Variants in PRELID2 observed in about 807,000 individuals in gnomAD.
PRELID2 encodes PRELI domain containing 2, also known as PRELI domain-containing protein 2.
In PRELID2, 25 loss-of-function variants were observed where a neutral mutation model predicts 28.4. That is an observed-to-expected ratio of 0.88 (90% CI 0.64 to 1.23). The LOEUF is 1.23. Ranked by LOEUF, PRELID2 falls within the 50% of genes most tolerant of loss-of-function variation. PRELID2 has a pLI of 0.00. For missense variants in PRELID2, 201 were observed against 214.4 expected (o/e 0.94, Z 0.39); for synonymous variants, 76 against 71.6 (o/e 1.06, Z -0.31).
At chr5:145,522,863 G>A (rs1752575551) in intron 1 of PRELID2, among the ~76,000 whole-genome samples, 1 of 151,554 alleles carries the variant, frequency 6.6e-6, no homozygotes, top group Non-Finnish European at 1.5e-5. Context: ...AGAAGAAGGA[G>A]AAGAAAAACA....
At chr5:145,327,970 T>C in the PRELID2 span, among the ~76,000 whole-genome samples, 1 of 151,974 alleles carries the variant, frequency 6.6e-6, no homozygotes, top group Admixed American at 6.6e-5. Flanking sequence ...GTATGTGATG[T>C]TCCCCTCCCG....
chr5:145,338,665 C>A, the PRELID2 span, among the ~76,000 whole-genome samples: 1 of 152,166 alleles, frequency 6.6e-6, no homozygotes, highest in Non-Finnish European at 1.5e-5. Context: ...CAGTTGCTAC[C>A]ACTTTTTGAG....
chr5:145,684,497 G>A (rs1179089494), intron 1 of PRELID2, among the ~76,000 whole-genome samples: 3 of 152,202 alleles, frequency 2.0e-5, no homozygotes, highest in Admixed American at 6.5e-5. Context: ...CCTCTCTTTG[G>A]TTAGCTTTCA....
At position 145,481,525 on chromosome 5, in the gene PRELID2, T is replaced by C. The variant is rs527514785; in HGVS notation, n.71-8210A>G. Reference sequence around the variant, plus strand: ...ATTCTAATAATGGTACTCTAGAGAATTGGATCTTCTGGTCCAAATTAGCTG... The same window carrying C: ...ATTCTAATAATGGTACTCTAGAGAACTGGATCTTCTGGTCCAAATTAGCTG... On this transcript the variant is annotated intron_variant and non_coding_transcript_variant, in intron 1 of 2. Transcript: ENST00000510259. Among the ~76,000 whole-genome samples the C allele has an allele frequency of 2.2e-3, 323 of 149,334 alleles. 1 individual carries two copies. The highest frequency in any genetic ancestry group is 7.5e-3 in the African/African-American group (305 of 40,486).
chr5:145,260,155 A>C, the PRELID2 span, among the ~76,000 whole-genome samples: 2 of 152,096 alleles, frequency 1.3e-5, no homozygotes. Flanking sequence ...GTTTCCTGAC[A>C]CCTTTCCAGA....
chr5:145,534,134 A>T (rs1286483218), intron 1 of PRELID2, among the ~76,000 whole-genome samples: 1 of 152,100 alleles, frequency 6.6e-6, no homozygotes, highest in Non-Finnish European at 1.5e-5. Flanking sequence ...TATAGTTAGA[A>T]AACAAGTGGT....
chr5:145,740,575 T>G, intron 1 of PRELID2, among the ~76,000 whole-genome samples: 1 of 17,066 alleles, frequency 5.9e-5, no homozygotes, highest in Non-Finnish European at 1.0e-4. Context: ...CCATGAAATA[T>G]ATATATTATA....
At chr5:145,254,130 C>T in the PRELID2 span, among the ~76,000 whole-genome samples, 1 of 152,044 alleles carries the variant, frequency 6.6e-6, no homozygotes, top group African/African-American at 2.4e-5. Context: ...TGAATGACCA[C>T]AAAATTTCAG....
At chr5:145,643,575 A>T (rs1754146531) in intron 1 of PRELID2, among the ~76,000 whole-genome samples, 1 of 152,228 alleles carries the variant, frequency 6.6e-6, no homozygotes, top group Non-Finnish European at 1.5e-5. Context: ...GAGAGAGGGC[A>T]TTCTTGCCTT....
intron 1 of PRELID2, among the ~76,000 whole-genome samples, chr5:145,705,063 A>G (rs1755508341): frequency 6.6e-6 from 1 of 152,180 alleles, no homozygotes. Flanking sequence ...CTTGCAAGCT[A>G]AGAGTATTTA....
chr5:145,775,187 C>A lies in PRELID2; in HGVS notation c.475-10187G>T, dbSNP rs1426991559. Among the ~76,000 whole-genome samples, 2 of 151,992 alleles carry A rather than the reference C, an allele frequency of 1.3e-5. 1 individual carries two copies. The highest frequency in any genetic ancestry group is 2.9e-5 in the Non-Finnish European group (2 of 68,022). ...CCTGGGAGGTGGAGGTTGCAGTGAG[C>A]CGAAATCAAGCCACTGCACTCCAGC... On this transcript the variant is annotated intron_variant, in intron 5 of 6. Coordinates refer to ENST00000683046, the MANE Select transcript of PRELID2 (RefSeq NM_205846.3).
At chr5:145,653,524 A>G (rs10463269) in intron 1 of PRELID2, among the ~76,000 whole-genome samples, 104,919 of 152,062 alleles carry the variant, frequency 0.69, 40,863 homozygotes, top group Non-Finnish European at 0.89. Context: ...GCAAATGTAA[A>G]AGAAGAGAAA....
intron 2 of PRELID2, among the ~76,000 whole-genome samples, chr5:145,822,709 A>G (rs1754914404): frequency 6.6e-6 from 1 of 152,208 alleles, no homozygotes; most frequent in African/African-American, 2.4e-5. Flanking sequence ...GTAGTCTAAC[A>G]CCTATTCCAA....
At chr5:145,789,036 C>T (rs1285812571) in intron 5 of PRELID2, among the ~76,000 whole-genome samples, 2 of 152,086 alleles carry the variant, frequency 1.3e-5, no homozygotes, top group Non-Finnish European at 2.9e-5. Flanking sequence ...ATGATCATAG[C>T]TTGAAAGAAT....
Position 145,818,715 on chromosome 5 carries a change from A to G in PRELID2, c.208-661T>C, listed in dbSNP as rs78740633. 7.9e-5 allele frequency among the ~76,000 whole-genome samples: 12 copies of G among 152,348 alleles called. No homozygotes were observed. The East Asian group carries it at 2.3e-3, about 29-fold the overall frequency. On this transcript the variant is annotated intron_variant, in intron 3 of 6. Coordinates refer to ENST00000683046, the MANE Select transcript of PRELID2 (RefSeq NM_205846.3). ...TAAAAGAAAGTTCATTTTCATTGTC[A>G]TATCAGCTTTATTACACTGAAGAAT... is the stretch of plus-strand genomic sequence containing the variant.
the PRELID2 span, chr5:145,229,146 A>C: frequency 9.3e-7 from 1 of 1,069,934 alleles, no homozygotes; most frequent in Non-Finnish European, 1.4e-6. Context: ...GGTGGGGGCC[A>C]AGTGTGTGTC....
the PRELID2 span, among the ~76,000 whole-genome samples, chr5:145,340,480 C>T: frequency 6.6e-6 from 1 of 152,216 alleles, no homozygotes; most frequent in East Asian, 1.9e-4. Flanking sequence ...AGGAATCAGG[C>T]TTTCAGGCTG....
At chr5:145,826,133 G>T (rs73306047) in intron 1 of PRELID2, 1 of 985,090 alleles carries the variant, frequency 1.0e-6, no homozygotes, top group African/African-American at 1.8e-5. Context: ...CTGTGTTCAC[G>T]CAGGGTGCTA....
rs1201061073 is a variant in PRELID2, at chr5:145,756,601, C to T, written c.*3935G>A. Among the ~76,000 whole-genome samples the T allele has an allele frequency of 5.3e-5, 8 of 152,048 alleles. No individual in the cohort carries two copies. The highest frequency in any genetic ancestry group is 7.4e-5 in the Non-Finnish European group (5 of 68,010). ...TTATTTCTAGCAATATCTCACTTGC[C>T]GCGAGTTCACAAATATGACAACTGC... On this transcript the variant is annotated 3_prime_UTR_variant, in exon 7 of 7. Transcript: ENST00000683046.
Sources: gnomAD v4.1 joint callset for allele counts (sites outside exome capture counted in the v4.1 genomes callset) on GRCh38, gnomAD v4.1.1 for gene constraint, MANE v1.5 for transcripts, NCBI Gene and HGNC (gene_info 2026-07-23, HGNC 2026-07-21) for gene names.